SH2D1B: variants seen among roughly 807,000 people sequenced by gnomAD.
SH2D1B encodes SH2 domain-containing protein 1B.
SH2D1B carries 11 observed loss-of-function variants against 16.3 expected under a neutral mutation model. The observed-to-expected ratio is 0.67, with a 90% CI of 0.42 to 1.11. The LOEUF (loss-of-function observed/expected upper bound fraction) is 1.11, where lower values mean the gene tolerates loss of function less well. SH2D1B is among the 50% of genes most tolerant of loss of function. The pLI is 0.00. For missense variants in SH2D1B, 123 were observed against 153.1 expected, an observed-to-expected ratio of 0.80 and a Z score of 1.04; for synonymous variants, 55 against 56.1, an observed-to-expected ratio of 0.98 and a Z score of 0.09.
chr1:162,397,917 G>T (rs1025049226), intron 3 of SH2D1B, among the ~76,000 whole-genome samples: 1 of 149,908 alleles, frequency 6.7e-6, no homozygotes, highest in Non-Finnish European at 1.5e-5. Flanking sequence ...TATAAATTTG[G>T]GGGGGAAAGT....
intron 1 of SH2D1B, among the ~76,000 whole-genome samples, chr1:162,408,928 C>T (rs537436993): frequency 2.0e-5 from 3 of 151,922 alleles, no homozygotes; most frequent in Non-Finnish European, 2.9e-5. Flanking sequence ...GGCAACATAG[C>T]GAGACCCCAT....
intron 1 of SH2D1B, among the ~76,000 whole-genome samples, chr1:162,405,591 T>A (rs181331248): frequency 6.6e-6 from 1 of 152,212 alleles, no homozygotes; most frequent in Non-Finnish European, 1.5e-5. Flanking sequence ...ATTTTTGCAG[T>A]TATGTTCTCA....
intron 1 of SH2D1B, among the ~76,000 whole-genome samples, chr1:162,407,345 T>A (rs1648676161): frequency 6.6e-6 from 1 of 151,968 alleles, no homozygotes; most frequent in African/African-American, 2.4e-5. Context: ...AGCCCTCAGG[T>A]CCCCTGCTTG....
intron 1 of SH2D1B, among the ~76,000 whole-genome samples, chr1:162,408,414 C>CTT (rs34627792): frequency 0.25 from 31,454 of 127,938 alleles, 4,340 homozygotes; most frequent in East Asian, 0.38. Flanking sequence ...TTTTTCTCTT[C>CTT]TTTTTTTTTT....
intron 3 of SH2D1B, among the ~76,000 whole-genome samples, chr1:162,398,652 T>A (rs903252516): frequency 1.3e-5 from 2 of 152,206 alleles, no homozygotes; most frequent in Non-Finnish European, 2.9e-5. Context: ...TTGAATCGTC[T>A]GCACAAGGTC....
intron 1 of SH2D1B, among the ~76,000 whole-genome samples, chr1:162,404,676 G>C (rs987502758): frequency 2.0e-5 from 3 of 152,140 alleles, no homozygotes; most frequent in African/African-American, 7.2e-5. Flanking sequence ...TACATGGATG[G>C]CAAATAAGCA....
chr1:162,402,713 G>T, intron 2 of SH2D1B, 26 bp downstream of exon 2: 1 of 1,596,482 alleles, frequency 6.3e-7, no homozygotes, highest in East Asian at 2.2e-5. Flanking sequence ...TTGTGTTGTT[G>T]TTGTTGTCGT....
intron 1 of SH2D1B, 72 bp from the exon 2 acceptor site, chr1:162,402,874 T>C (rs1204391612): frequency 3.4e-6 from 4 of 1,160,374 alleles, no homozygotes; most frequent in Non-Finnish European, 5.2e-6. Context: ...TTATGTTTCA[T>C]ATGCAATACC....
chr1:162,412,121 A>C lies in SH2D1B; in HGVS notation c.-105T>G, dbSNP rs1648812165. On this transcript the variant is annotated 5_prime_UTR_variant, in exon 1 of 4. Coordinates refer to ENST00000367929, the MANE Select transcript of SH2D1B (RefSeq NM_053282.5). ...GTGTAAGCAGCTGTACCTCCTGTGG[A>C]GCTACCTCTTCCTCTAGCGGTCTGT... 1.4e-6 allele frequency: 2 copies of C among 1,452,664 alleles called. No homozygotes were observed. 90.0% of individuals were successfully genotyped at this position (1,452,664 alleles called of 1,614,324 possible).
chr1:162,399,778 AT>A (rs1557909831), intron 2 of SH2D1B, among the ~76,000 whole-genome samples: 1 of 152,212 alleles, frequency 6.6e-6, no homozygotes, highest in Non-Finnish European at 1.5e-5. Context: ...CTGTTCCTGC[AT>A]TAGTTTGCTA....
At chr1:162,403,488 GAAAAAAAAAA>G (rs1172751501) in intron 1 of SH2D1B, among the ~76,000 whole-genome samples, 80 of 20,688 alleles carry the variant, frequency 3.9e-3, no homozygotes, top group African/African-American at 0.011. Context: ...GACTCTGTCT[GAAAAAAAAAA>G]AAAAAAAAAA....
intron 2 of SH2D1B, chr1:162,402,330 G>A (rs1043832138): frequency 1.3e-5 from 2 of 156,280 alleles, no homozygotes; most frequent in Non-Finnish European, 2.8e-5. Context: ...GTCTAACACG[G>A]CGAAAACCCT....
rs185142809 is a variant in SH2D1B at position 162,408,987 on chromosome 1, A to C, written c.134+2896T>G. Among the ~76,000 whole-genome samples the C allele has an allele frequency of 3.4e-4, 51 of 151,890 alleles. 1 individual carries two copies. In the East Asian group the frequency reaches 1.0e-2, roughly 30 times the overall value. Reference sequence around the variant, plus strand: ...ACCAGGCATGGTAGTGCGCACCTGTAGTCCCAGATACTCAGGGGGCCTGAG... The same window carrying C: ...ACCAGGCATGGTAGTGCGCACCTGTCGTCCCAGATACTCAGGGGGCCTGAG... On this transcript the variant is annotated intron_variant, in intron 1 of 3. Transcript: ENST00000367929.
intron 1 of SH2D1B, among the ~76,000 whole-genome samples, chr1:162,407,324 G>A (rs1425181229): frequency 6.6e-6 from 1 of 152,160 alleles, no homozygotes; most frequent in Non-Finnish European, 1.5e-5. Context: ...GCATATCAGA[G>A]TCCACTCCCA....
intron 1 of SH2D1B, among the ~76,000 whole-genome samples, chr1:162,403,997 A>T (rs1454823788): frequency 6.6e-6 from 1 of 152,166 alleles, no homozygotes; most frequent in Non-Finnish European, 1.5e-5. Context: ...TCAGTTAAAC[A>T]AGAGATCTAT....
At chr1:162,410,447 T>A (rs1261883471) in intron 1 of SH2D1B, among the ~76,000 whole-genome samples, 10 of 152,184 alleles carry the variant, frequency 6.6e-5, no homozygotes, top group Admixed American at 5.9e-4. Context: ...ATTGAGTAAT[T>A]TTTTTCTTTA....
intron 3 of SH2D1B, among the ~76,000 whole-genome samples, chr1:162,397,992 A>G (rs996297529): frequency 1.8e-4 from 27 of 152,160 alleles, no homozygotes; most frequent in Admixed American, 1.8e-3. Context: ...ATGAGTACAC[A>G]CTGCCCTTCA....
At chr1:162,408,684 G>A (rs1414616519) in intron 1 of SH2D1B, among the ~76,000 whole-genome samples, 1 of 152,030 alleles carries the variant, frequency 6.6e-6, no homozygotes, top group East Asian at 1.9e-4. Flanking sequence ...AGAGTGCTGG[G>A]AATACAGGTG....
intron 1 of SH2D1B, among the ~76,000 whole-genome samples, chr1:162,407,523 T>C (rs894147658): frequency 2.0e-5 from 3 of 152,242 alleles, no homozygotes; most frequent in African/African-American, 7.2e-5. Context: ...TCATGTCGCC[T>C]ACCGCAAAGG....
Sources: allele counts gnomAD v4.1 joint callset (sites outside exome capture counted in the v4.1 genomes callset), GRCh38; gene constraint gnomAD v4.1.1; transcripts MANE v1.5; gene names NCBI Gene and HGNC (gene_info 2026-07-23, HGNC 2026-07-21).